The following TENM3 variants were observed in gnomAD, a reference collection of about 807,000 sequenced individuals.
TENM3 encodes teneurin-3.
Under a neutral mutation model 255.1 loss-of-function variants are expected in TENM3, and 63 were observed. The observed-to-expected ratio is 0.25, with a 90% CI of 0.20 to 0.30. The LOEUF is 0.30. TENM3 is among the 10% of genes least tolerant of loss of function. TENM3 has a pLI of 1.00. For synonymous variants in TENM3, 1,306 were observed against 1,322.3 expected (o/e 0.99, Z 0.27); for missense variants, 2,929 against 3,461.1 (o/e 0.85, Z 3.86).
chr4:182,717,920 T>A (rs1207277286), intron 13 of TENM3, among the ~76,000 whole-genome samples: 4 of 152,208 alleles, frequency 2.6e-5, no homozygotes, highest in African/African-American at 9.6e-5. Context: ...TGGGAGCTGC[T>A]CACTCCTGAA....
At chr4:181,619,990 AT>A in the TENM3 span, among the ~76,000 whole-genome samples, 4 of 151,994 alleles carry the variant, frequency 2.6e-5, no homozygotes, top group Admixed American at 6.6e-5. Context: ...ATTTTTTCTC[AT>A]TTAAAATATG....
intron 3 of TENM3, among the ~76,000 whole-genome samples, chr4:182,451,148 G>A (rs1773423251): frequency 6.6e-6 from 1 of 152,062 alleles, no homozygotes; most frequent in Admixed American, 6.6e-5. Context: ...TTGTTATTAT[G>A]TAAAAGCCCT....
chr4:181,671,729 T>C, the TENM3 span, among the ~76,000 whole-genome samples: 2 of 151,718 alleles, frequency 1.3e-5, no homozygotes, highest in Non-Finnish European at 2.9e-5. Flanking sequence ...TGGTTATTCC[T>C]AGGAAGCAAA....
At chr4:182,502,468 T>G (rs1325838884) in intron 3 of TENM3, among the ~76,000 whole-genome samples, 1 of 152,176 alleles carries the variant, frequency 6.6e-6, no homozygotes, top group Admixed American at 6.5e-5. Context: ...CTTTGTTGAT[T>G]CTCCAGTTTA....
chr4:182,498,285 G>A (rs60141239), intron 3 of TENM3, among the ~76,000 whole-genome samples: 24,108 of 152,028 alleles, frequency 0.16, 3,097 homozygotes, highest in African/African-American at 0.35. Flanking sequence ...TTTGATGTTG[G>A]TAATGATAAT....
At chr4:182,441,688 G>C (rs999992613) in intron 3 of TENM3, among the ~76,000 whole-genome samples, 23 of 152,080 alleles carry the variant, frequency 1.5e-4, no homozygotes. Flanking sequence ...AGTAGAGATG[G>C]GGTTTCACTA....
At chr4:181,814,408 C>T in the TENM3 span, among the ~76,000 whole-genome samples, 1 of 152,104 alleles carries the variant, frequency 6.6e-6, no homozygotes, top group Non-Finnish European at 1.5e-5. Context: ...TTAACAAAAA[C>T]ACAAACTTTG....
the TENM3 span, among the ~76,000 whole-genome samples, chr4:181,527,251 T>C: frequency 2.0e-5 from 3 of 152,254 alleles, no homozygotes; most frequent in Admixed American, 2.0e-4. Context: ...CTATTTTTAA[T>C]GACTTTTTGT....
intron 4 of TENM3, among the ~76,000 whole-genome samples, chr4:182,616,635 C>T (rs897001657): frequency 1.3e-5 from 2 of 149,780 alleles, no homozygotes; most frequent in African/African-American, 4.9e-5. Flanking sequence ...TCTGCAGATG[C>T]TCGTGTGGGT....
chr4:181,791,572 T>G, the TENM3 span, among the ~76,000 whole-genome samples: 1 of 152,184 alleles, frequency 6.6e-6, no homozygotes, highest in Non-Finnish European at 1.5e-5. Context: ...ATTGGTAATT[T>G]TAGCCTACTC....
intron 3 of TENM3, among the ~76,000 whole-genome samples, chr4:182,415,909 GGC>G (rs1468704805): frequency 2.0e-5 from 3 of 148,986 alleles, no homozygotes; most frequent in African/African-American, 7.4e-5. Context: ...GCAGTTTCTT[GGC>G]ATGTATATCA....
intron 1 of TENM3, among the ~76,000 whole-genome samples, chr4:182,304,889 G>A (rs556340673): frequency 1.8e-4 from 28 of 152,268 alleles, no homozygotes; most frequent in Non-Finnish European, 3.5e-4. Flanking sequence ...TGTGCTGCAC[G>A]TGAATGACAG....
chr4:182,729,816 G>C (rs549173164), intron 14 of TENM3, among the ~76,000 whole-genome samples: 7 of 152,204 alleles, frequency 4.6e-5, no homozygotes, highest in African/African-American at 1.4e-4. Flanking sequence ...TATACTTCTT[G>C]GTCCCTGAAG....
the TENM3 span, among the ~76,000 whole-genome samples, chr4:182,035,227 GAGTCCAAAGTTTA>G: frequency 6.6e-6 from 1 of 152,132 alleles, no homozygotes; most frequent in African/African-American, 2.4e-5. Flanking sequence ...CTTACATGTT[GAGTCCAAAGTTTA>G]AATTTCATCA....
chr4:181,454,790 G>A, the TENM3 span, among the ~76,000 whole-genome samples: 1 of 145,908 alleles, frequency 6.9e-6, no homozygotes, highest in South Asian at 2.2e-4. Context: ...GTACAGGTTT[G>A]CAGCCTAGGA....
intron 1 of TENM3, chr4:182,169,208 T>C (rs1751937502): frequency 2.2e-6 from 1 of 459,822 alleles, no homozygotes; most frequent in East Asian, 7.0e-5. Flanking sequence ...AAGTGATTTT[T>C]GAAGCCTGCA....
the TENM3 span, among the ~76,000 whole-genome samples, chr4:181,873,669 A>C: frequency 6.6e-6 from 1 of 152,176 alleles, no homozygotes; most frequent in Non-Finnish European, 1.5e-5. Flanking sequence ...GCCCAGCATC[A>C]GCACAAGATC....
At chr4:181,538,543 C>T in the TENM3 span, among the ~76,000 whole-genome samples, 11 of 151,918 alleles carry the variant, frequency 7.2e-5, no homozygotes, top group Non-Finnish European at 1.3e-4. Context: ...GGTGGGGGAA[C>T]ATCAGGGAAC....
chr4:182,170,201 A>G (rs1355193390), intron 1 of TENM3, among the ~76,000 whole-genome samples: 2 of 152,158 alleles, frequency 1.3e-5, no homozygotes, highest in Admixed American at 1.3e-4. Flanking sequence ...AGAAGAAACT[A>G]GGGCTTGGCA....
Sources: gnomAD v4.1 joint callset for allele counts (sites outside exome capture counted in the v4.1 genomes callset) on GRCh38, gnomAD v4.1.1 for gene constraint, MANE v1.5 for transcripts, NCBI Gene and HGNC (gene_info 2026-07-23, HGNC 2026-07-21) for gene names.